The following ZNF665 variants were observed in gnomAD, a reference collection of about 807,000 sequenced individuals.
ZNF665 encodes zinc finger protein 665.
In ZNF665, 6 loss-of-function variants were observed where a neutral mutation model predicts 7.9. That is an observed-to-expected ratio of 0.76 (90% confidence interval 0.42 to 1.50). The LOEUF is 1.50. Among genes scored for constraint, ZNF665 ranks in the 40% most tolerant of loss-of-function variants. The pLI is 0.01. For missense variants in ZNF665, 819 were observed against 806.7 expected (o/e 1.02, Z -0.18); for synonymous variants, 242 against 274.5 (o/e 0.88, Z 1.17).
chr19:53,180,426 C>T (rs1341275669), intron 2 of ZNF665, among the ~76,000 whole-genome samples: 1 of 150,818 alleles, frequency 6.6e-6, no homozygotes, highest in Non-Finnish European at 1.5e-5. Context: ...GAGTGAAACT[C>T]CATCTCAAAA....
intron 1 of ZNF665, among the ~76,000 whole-genome samples, chr19:53,189,212 AG>A (rs1370114972): frequency 6.6e-6 from 1 of 151,976 alleles, no homozygotes; most frequent in Non-Finnish European, 1.5e-5. Context: ...AGCCAGCTGT[AG>A]GGACCAGCCC....
Position 53,164,785 on chromosome 19 carries a change from G to A in ZNF665, c.1705C>T (p.Pro569Ser). 1 of 1,614,154 alleles carries A rather than the reference G, an allele frequency of 6.2e-7. No individual in the cohort carries two copies. Among genetic ancestry groups the A allele is most frequent in the Non-Finnish European group, 8.5e-7 (1 of 1,180,028 alleles). The change falls in exon 4 of 4, where the codon CCT becomes TCT. Residue 569 changes from proline to serine, a missense_variant. By Grantham distance (74) the Pro-to-Ser change is moderately conservative (BLOSUM62 -1). Transcript: ENST00000396424. ...TTGCCGCACTCATTACACTTATAAG[G>A]TTTCTCACCAGTGTGAATTCTCTGA... The part of the protein sequence containing the change: ...IHQRIHTGEK[P>S]YKCNECGKAF...
At chr19:53,171,200 G>T (rs6509730) in intron 3 of ZNF665, among the ~76,000 whole-genome samples, 116,962 of 151,732 alleles carry the variant, frequency 0.77, 45,399 homozygotes, top group East Asian at 0.91. Flanking sequence ...TGGCCAGGCT[G>T]GTCTCGAACT....
chr19:53,172,783 C>T (rs2090668201), intron 3 of ZNF665, among the ~76,000 whole-genome samples: 1 of 148,302 alleles, frequency 6.7e-6, no homozygotes, highest in Non-Finnish European at 1.5e-5. Flanking sequence ...CAAGATCACG[C>T]CACTGCACTC....
chr19:53,190,681 C>G lies in ZNF665; in HGVS notation c.-46+2631G>C, dbSNP rs535537399. Among the ~76,000 whole-genome samples the G allele has an allele frequency of 1.9e-4, 29 of 152,302 alleles. No individual in the cohort carries two copies. In the South Asian group the frequency reaches 6.0e-3, roughly 32 times the overall value. On this transcript the variant is annotated intron_variant, in intron 1 of 3. Transcript: ENST00000396424. ...GGGTGCGGTAGCTCATGCCTGTAAT[C>G]CCGGCACTTTGGGAGGCCAAGGTGG...
chr19:53,164,702 T>A lies in ZNF665; in HGVS notation c.1788A>T (p.Lys596Asn), dbSNP rs1478846438. 3 of 1,613,672 alleles carry A rather than the reference T, an allele frequency of 1.9e-6. No homozygotes were observed. Among genetic ancestry groups the A allele is most frequent in the South Asian group, 2.2e-5 (2 of 91,062 alleles). Reference protein sequence around the residue: ...ATHQVIHTGEKPYKCNECGKV... With the variant: ...ATHQVIHTGENPYKCNECGKV... ...TGCCACATTCATTACATTTGTAAGG[T>A]TTTTCTCCAGTATGGATGACCTGAT... The change falls in exon 4 of 4, where the codon AAA becomes AAT. Residue 596 changes from lysine (K) to asparagine (N), a missense_variant. Transcript: ENST00000396424.
intron 2 of ZNF665, chr19:53,181,435 A>T (rs878981730): frequency 6.6e-6 from 1 of 151,680 alleles, no homozygotes. Context: ...AAAAAAAAAA[A>T]GGAGAAAATG....
intron 1 of ZNF665, among the ~76,000 whole-genome samples, chr19:53,183,490 C>A (rs1293035789): frequency 6.6e-6 from 1 of 152,124 alleles, no homozygotes; most frequent in East Asian, 1.9e-4. Flanking sequence ...TCTTGAGCTC[C>A]ACTGAGAGGG....
At chr19:53,167,546 C>G (rs867020548) in intron 3 of ZNF665, among the ~76,000 whole-genome samples, 2 of 149,570 alleles carry the variant, frequency 1.3e-5, no homozygotes, top group Non-Finnish European at 3.0e-5. Flanking sequence ...TCCCGGGTTC[C>G]CGCCATTCTC....
chr19:53,183,503 C>T (rs901367857), intron 1 of ZNF665, among the ~76,000 whole-genome samples: 3 of 152,034 alleles, frequency 2.0e-5, no homozygotes, highest in East Asian at 1.9e-4. Flanking sequence ...TGAGAGGGGC[C>T]GAGCCCAGCA....
At chr19:53,183,602 G>A (rs558039694) in intron 1 of ZNF665, among the ~76,000 whole-genome samples, 86 of 147,758 alleles carry the variant, frequency 5.8e-4, no homozygotes, top group African/African-American at 2.0e-3. Context: ...AGAGAAACAC[G>A]CAGAACAGCC....
In ZNF665 at chr19:53,164,641, T is replaced by C; in HGVS notation, c.1849A>G (p.Arg617Gly). Reference sequence around the variant, plus strand: ...GGTTTTTCTCCAGTGTGAATTCTTCTATGATTTGCAAGATGTGAATTTTGA... The same window carrying C: ...GGTTTTTCTCCAGTGTGAATTCTTCCATGATTTGCAAGATGTGAATTTTGA... ...FTQNSHLANH[R>G]RIHTGEKPYR... The change falls in exon 4 of 4, where the codon AGA becomes GGA. Residue 617 changes from arginine to glycine, a missense_variant. Physicochemically the swap from Arg to Gly is moderately radical, Grantham distance 125 (BLOSUM62 -2). Transcript: ENST00000396424. 1 of 1,612,650 alleles carries C rather than the reference T, an allele frequency of 6.2e-7. No homozygotes were observed.
chr19:53,173,590 G>A (rs2090675114), intron 3 of ZNF665, among the ~76,000 whole-genome samples: 1 of 151,892 alleles, frequency 6.6e-6, no homozygotes, highest in African/African-American at 2.4e-5. Flanking sequence ...GGACAGGCTG[G>A]TCTCAAACTC....
chr19:53,190,611 T>G (rs932768252), intron 1 of ZNF665, among the ~76,000 whole-genome samples: 1 of 152,190 alleles, frequency 6.6e-6, no homozygotes, highest in Admixed American at 6.5e-5. Flanking sequence ...CTAAAACCAT[T>G]CATCTGTATG....
chr19:53,177,604 G>A (rs1179127613), intron 2 of ZNF665, among the ~76,000 whole-genome samples: 1 of 152,038 alleles, frequency 6.6e-6, no homozygotes, highest in Non-Finnish European at 1.5e-5. Context: ...CTCTACCAGT[G>A]TTAGATAGAT....
intron 3 of ZNF665, among the ~76,000 whole-genome samples, chr19:53,170,340 GA>G (rs991229977): frequency 6.6e-6 from 1 of 152,112 alleles, no homozygotes; most frequent in African/African-American, 2.4e-5. Context: ...TGCATATATA[GA>G]ATGTGGAATG....
At chr19:53,174,026 C>T (rs571492965) in intron 3 of ZNF665, among the ~76,000 whole-genome samples, 4 of 152,230 alleles carry the variant, frequency 2.6e-5, no homozygotes, top group East Asian at 1.9e-4. Flanking sequence ...AAGACAGTTC[C>T]GTGAAGTTTC....
intron 3 of ZNF665, among the ~76,000 whole-genome samples, chr19:53,167,159 G>C (rs2090621427): frequency 6.6e-6 from 1 of 151,776 alleles, no homozygotes; most frequent in South Asian, 2.1e-4. Context: ...GCACCACCAG[G>C]CCAGACTAAT....
chr19:53,171,504 GTA>G (rs1555804176), intron 3 of ZNF665, among the ~76,000 whole-genome samples: 8 of 57,778 alleles, frequency 1.4e-4, no homozygotes, highest in African/African-American at 2.2e-4. Flanking sequence ...GTGTGTGTGT[GTA>G]TATATATATA....
Sources: gnomAD v4.1 joint callset for allele counts (sites outside exome capture counted in the v4.1 genomes callset) on GRCh38, gnomAD v4.1.1 for gene constraint, MANE v1.5 for transcripts, NCBI Gene and HGNC (gene_info 2026-07-23, HGNC 2026-07-21) for gene names.